Variants in ARL17A observed in about 807,000 individuals in gnomAD.
The protein encoded by ARL17A is ADP-ribosylation factor-like 17-like.
downstream of ARL17A, among the ~76,000 whole-genome samples, chr17:46,525,614 A>ATC (rs1567941979): frequency 7.0e-4 from 80 of 114,502 alleles, 3 homozygotes; most frequent in African/African-American, 2.2e-3. Context: ...TAATAATAAT[A>ATC]ATCATCATCA....
chr17:46,534,342 C>T (rs1170940467), intron 4 of ARL17A, among the ~76,000 whole-genome samples: 5,403 of 123,454 alleles, frequency 0.044, no homozygotes, highest in Middle Eastern at 0.08. Flanking sequence ...GAGGACCCTG[C>T]GGCCTTCCAC....
chr17:46,545,043 T>C (rs2056066554), intron 3 of ARL17A, among the ~76,000 whole-genome samples: 1 of 138,844 alleles, frequency 7.2e-6, no homozygotes, highest in Non-Finnish European at 1.6e-5. Context: ...GGAAAAATAC[T>C]GCATAGGTGA....
intron 3 of ARL17A, among the ~76,000 whole-genome samples, chr17:46,569,554 GAGAAAAAACATTCT>G: frequency 7.7e-6 from 1 of 130,628 alleles, no homozygotes; most frequent in African/African-American, 3.2e-5. Context: ...GCACTACTTT[GAGAAAAAACATTCT>G]AAAATCTATA....
At chr17:46,534,798 C>A in intron 4 of ARL17A, among the ~76,000 whole-genome samples, 1 of 147,680 alleles carries the variant, frequency 6.8e-6, no homozygotes, top group African/African-American at 2.7e-5. Context: ...CCCCACCTCC[C>A]GGAGGGGGCG....
the ARL17A span, among the ~76,000 whole-genome samples, chr17:46,502,944 G>A: frequency 3.3e-5 from 5 of 150,614 alleles, no homozygotes; most frequent in South Asian, 8.3e-4. Flanking sequence ...CAGGCGTGGT[G>A]GCTCACGCCT....
At chr17:46,545,064 C>G (rs2056071706) in intron 3 of ARL17A, among the ~76,000 whole-genome samples, 1 of 137,220 alleles carries the variant, frequency 7.3e-6, no homozygotes, top group Non-Finnish European at 1.6e-5. Context: ...TGTATCCTTC[C>G]TGCCTCGTAA....
At chr17:46,548,831 T>C (rs1348121351), downstream of ARL17A, 11 of 1,612,118 alleles carry the variant, frequency 6.8e-6, 1 homozygote, top group Admixed American at 1.7e-4. Flanking sequence ...GGAAACGCCG[T>C]CTACACCAAG....
At chr17:46,574,964 T>TA (rs1221412037) in intron 2 of ARL17A, among the ~76,000 whole-genome samples, 1 of 58,968 alleles carries the variant, frequency 1.7e-5, no homozygotes, top group African/African-American at 6.2e-5. Flanking sequence ...TGCATGGTGG[T>TA]GAACGTCTGT....
chr17:46,529,311 AG>A (rs2053298515), intron 4 of ARL17A, among the ~76,000 whole-genome samples: 1 of 98,876 alleles, frequency 1.0e-5, no homozygotes, highest in Admixed American at 1.1e-4. Flanking sequence ...TCATCTAATA[AG>A]GCATATTTAA....
chr17:46,555,231 G>GGA lies in ARL17A; in HGVS notation c.*2124_*2125insTC. 1 of 1,449,382 alleles carries GGA rather than the reference G, an allele frequency of 6.9e-7. No individual in the cohort carries two copies. Among genetic ancestry groups the GGA allele is most frequent in the South Asian group, 1.2e-5 (1 of 84,838 alleles). 89.8% of individuals were successfully genotyped at this position (1,449,382 alleles called of 1,614,324 possible). ...GGTACATTGGAGGATTCATTGCTGTGGCCAGGGAAAGCAGAGGACATGCAA... is the reference window on the plus strand; with the variant it reads ...GGTACATTGGAGGATTCATTGCTGTGGAGCCAGGGAAAGCAGAGGACATGCAA... On this transcript the variant is annotated 3_prime_UTR_variant, in exon 4 of 4. Coordinates refer to ENST00000336125, the MANE Select transcript of ARL17A (RefSeq NM_001113738.2).
downstream of ARL17A, among the ~76,000 whole-genome samples, chr17:46,516,197 G>A (rs2051273680): frequency 1.3e-5 from 2 of 148,276 alleles, no homozygotes; most frequent in Admixed American, 1.4e-4. Flanking sequence ...CAGCTACTCG[G>A]GAGGCTGAGG....
At chr17:46,558,165 G>T (rs2057386032) in intron 3 of ARL17A, among the ~76,000 whole-genome samples, 1 of 116,410 alleles carries the variant, frequency 8.6e-6, no homozygotes, top group Non-Finnish European at 1.7e-5. Context: ...GTTCAAGCAA[G>T]TCTCCTGCCT....
At chr17:46,550,754 G>A (rs568666334), downstream of ARL17A, among the ~76,000 whole-genome samples, 34 of 101,586 alleles carry the variant, frequency 3.3e-4, no homozygotes, top group Non-Finnish European at 7.6e-4. Context: ...AATCCCACTA[G>A]ACTATTTTAA....
intron 3 of ARL17A, among the ~76,000 whole-genome samples, chr17:46,542,124 T>TA (rs147322148): frequency 1.2e-4 from 16 of 133,264 alleles, no homozygotes; most frequent in East Asian, 4.3e-4. Flanking sequence ...GGACTCTGTC[T>TA]AAAAAAAAAA....
chr17:46,537,322 C>T (rs1278191136), intron 4 of ARL17A, among the ~76,000 whole-genome samples: 1 of 1,098 alleles, frequency 9.1e-4, no homozygotes, highest in African/African-American at 0.01. Context: ...GCGCCTGCCA[C>T]CACGCCCAGC....
downstream of ARL17A, among the ~76,000 whole-genome samples, chr17:46,551,340 G>C (rs1258829884): frequency 2.7e-5 from 4 of 150,420 alleles, no homozygotes; most frequent in African/African-American, 1.0e-4. Context: ...TTGGAAGAGT[G>C]ATTTAATAAA....
chr17:46,531,856 G>A (rs1478619221), intron 4 of ARL17A, among the ~76,000 whole-genome samples: 5 of 122,746 alleles, frequency 4.1e-5, no homozygotes, highest in Non-Finnish European at 7.9e-5. Flanking sequence ...AAAAAATCCA[G>A]TTTGGAGAAG....
rs1453761428 is a variant in ARL17A, at chr17:46,544,965, C to T, written c.260-6539G>A. Reference sequence around the variant, plus strand: ...TTTTTTAAGAGTCAAAGATAGTTGTCTTGTAAATTGTCCCACAATCCAGAT... The same window carrying T: ...TTTTTTAAGAGTCAAAGATAGTTGTTTTGTAAATTGTCCCACAATCCAGAT... On this transcript the variant is annotated intron_variant, in intron 3 of 4. Coordinates refer to the ARL17A transcript ENST00000329240. Among the ~76,000 whole-genome samples the T allele has an allele frequency of 2.1e-5, 3 of 140,384 alleles. 1 individual carries two copies. In the East Asian group the frequency reaches 6.3e-4, roughly 30 times the overall value. The allele number at this position is 140,384 out of a possible 152,430, so 92.1% of individuals were successfully genotyped here. A position where few individuals can be genotyped will look rare whatever the true frequency, so the allele number is the denominator to read the frequency against.
the ARL17A span, among the ~76,000 whole-genome samples, chr17:46,503,328 C>G: frequency 6.7e-6 from 1 of 149,696 alleles, no homozygotes; most frequent in African/African-American, 2.5e-5. Flanking sequence ...TTCACTCAAT[C>G]AACAGACCAT....
Sources: gnomAD v4.1 joint callset for allele counts (sites outside exome capture counted in the v4.1 genomes callset) on GRCh38, gnomAD v4.1.1 for gene constraint, MANE v1.5 for transcripts, NCBI Gene and HGNC (gene_info 2026-07-23, HGNC 2026-07-21) for gene names.